Variants in TPD52L1 observed in about 807,000 individuals in gnomAD.
The protein encoded by TPD52L1 is TPD52 like 1, also known as tumor protein D53.
TPD52L1 carries 18 observed loss-of-function variants against 28.7 expected under a neutral mutation model. The observed-to-expected ratio is 0.63, with a 90% CI of 0.43 to 0.93. TPD52L1 has a LOEUF of 0.93. Ranked by LOEUF, TPD52L1 falls within the 40% of genes least tolerant of loss-of-function variation. The pLI, the probability that TPD52L1 is intolerant of heterozygous loss-of-function variation, is 0.00. For missense variants in TPD52L1, 203 were observed against 254.8 expected (o/e 0.80, Z 1.39); for synonymous variants, 75 against 88.8 (o/e 0.84, Z 0.88).
chr6:125,160,618 G>A (rs947313965), intron 1 of TPD52L1, among the ~76,000 whole-genome samples: 1 of 152,170 alleles, frequency 6.6e-6, no homozygotes, highest in Non-Finnish European at 1.5e-5. Context: ...CCTAACAAGA[G>A]AGTCAGCCTG....
chr6:125,256,015 A>G (rs1305666300), intron 5 of TPD52L1, among the ~76,000 whole-genome samples: 3 of 152,202 alleles, frequency 2.0e-5, no homozygotes, highest in Non-Finnish European at 4.4e-5. Context: ...CAACAAAATT[A>G]TGTATAGATT....
At chr6:125,212,422 A>G (rs762441889) in intron 1 of TPD52L1, among the ~76,000 whole-genome samples, 1 of 152,226 alleles carries the variant, frequency 6.6e-6, no homozygotes, top group Non-Finnish European at 1.5e-5. Context: ...ATCCAAAATC[A>G]TAGTTTGTAA....
At chr6:125,154,148 G>C in intron 1 of TPD52L1, 178 bp downstream of exon 1, 3 of 1,404,590 alleles carry the variant, frequency 2.1e-6, no homozygotes, top group Non-Finnish European at 2.8e-6. Flanking sequence ...AGGATTTGCT[G>C]TGGGTCTGGG....
chr6:125,192,567 A>AC (rs1292731845), intron 1 of TPD52L1, among the ~76,000 whole-genome samples: 1 of 148,480 alleles, frequency 6.7e-6, no homozygotes, highest in African/African-American at 2.4e-5. Context: ...TAGCACCTTA[A>AC]CAGAGAGCCC....
chr6:125,216,637 T>G (rs1467500717), intron 1 of TPD52L1, among the ~76,000 whole-genome samples: 2 of 149,902 alleles, frequency 1.3e-5, no homozygotes, highest in Admixed American at 6.7e-5. Flanking sequence ...TACCAATTTT[T>G]GGGTAATATG....
intron 1 of TPD52L1, among the ~76,000 whole-genome samples, chr6:125,178,600 G>A (rs749306903): frequency 7.9e-5 from 12 of 151,788 alleles, no homozygotes; most frequent in Non-Finnish European, 1.5e-4. Context: ...CCGCCTGGGC[G>A]ACAGAGTGAG....
chr6:125,246,762 C>G (rs371395344), intron 3 of TPD52L1, among the ~76,000 whole-genome samples: 2 of 151,958 alleles, frequency 1.3e-5, no homozygotes, highest in East Asian at 2.0e-4. Context: ...CATCCACATT[C>G]CTTGTTCTCC....
intron 3 of TPD52L1, among the ~76,000 whole-genome samples, chr6:125,247,553 A>T (rs1307611320): frequency 6.6e-6 from 1 of 152,168 alleles, no homozygotes; most frequent in African/African-American, 2.4e-5. Context: ...GTTCAGAGTC[A>T]CAAAAGGTTG....
chr6:125,156,463 C>CAAAAAAAAA lies in TPD52L1; in HGVS notation c.19+2502_19+2510dup, dbSNP rs758623258. 5.4e-4 allele frequency among the ~76,000 whole-genome samples: 20 copies of CAAAAAAAAA among 37,220 alleles called. 1 individual carries two copies. The highest frequency in any genetic ancestry group is 2.4e-3 in the East Asian group (4 of 1,646). The allele number at this position is 37,220 out of a possible 152,430, so 24.4% of individuals were successfully genotyped here. A position where few individuals can be genotyped will look rare whatever the true frequency, so the allele number is the denominator to read the frequency against. ...TCTGGACAAGAGTGAGACCTTGTCT[C>CAAAAAAAAA]AAAAAAAAAAAAAAAAAGAGAGAGA... On this transcript the variant is annotated intron_variant, in intron 1 of 6. Coordinates refer to ENST00000534000, the MANE Select transcript of TPD52L1 (RefSeq NM_003287.4).
In TPD52L1 at chr6:125,185,933, G is replaced by A. The variant is rs1408681799; in HGVS notation, c.19+31963G>A. On this transcript the variant is annotated intron_variant, in intron 1 of 6. Transcript: ENST00000534000. ...TTTTGAGACAGAGTCTCACTCTGTC[G>A]CCCCAGCTAGAGTGCAGTGGCATGA... Among the ~76,000 whole-genome samples the A allele has an allele frequency of 6.9e-5, 9 of 130,504 alleles. No homozygotes were observed. The East Asian group carries it at 7.2e-4, about 10-fold the overall frequency. 85.6% of individuals were successfully genotyped at this position (130,504 alleles called of 152,430 possible).
At position 125,180,544 on chromosome 6, in the gene TPD52L1, TACACACACACACATATATTATATATACAC is replaced by T. The variant is rs1792113404; in HGVS notation, c.19+26588_19+26616del. The stretch of plus-strand genomic sequence containing the variant: ...ACAGTTTTTAAATATACATTTACCA[TACACACACACACATATATTATATATACAC>T]ACACACACACACACACACACACTCA... On this transcript the variant is annotated intron_variant, in intron 1 of 6. Coordinates refer to ENST00000534000, the MANE Select transcript of TPD52L1 (RefSeq NM_003287.4). Among the ~76,000 whole-genome samples the T allele has an allele frequency of 2.7e-5, 4 of 149,516 alleles. No individual in the cohort carries two copies. The South Asian group carries it at 8.5e-4, about 32-fold the overall frequency.
At chr6:125,173,650 AT>A (rs1562217706) in intron 1 of TPD52L1, among the ~76,000 whole-genome samples, 1 of 152,104 alleles carries the variant, frequency 6.6e-6, no homozygotes, top group African/African-American at 2.4e-5. Flanking sequence ...TGCTTTTTAA[AT>A]ATATATATAT....
intron 3 of TPD52L1, among the ~76,000 whole-genome samples, chr6:125,240,180 T>C (rs1025757825): frequency 8.5e-5 from 13 of 152,224 alleles, no homozygotes; most frequent in Non-Finnish European, 1.9e-4. Context: ...TCCATTGTTC[T>C]ACGTGCCTAT....
chr6:125,165,089 T>TAG lies in TPD52L1; in HGVS notation c.19+11120_19+11121insGA, dbSNP rs1308406951. ...ACCCCTGTCTCTTAAAAAAAAGATA[T>TAG]ATATATATATTTTAACTGTATATAT... is the stretch of plus-strand genomic sequence containing the variant. On this transcript the variant is annotated intron_variant, in intron 1 of 6. Coordinates refer to ENST00000534000, the MANE Select transcript of TPD52L1 (RefSeq NM_003287.4). Among the ~76,000 whole-genome samples the TAG allele has an allele frequency of 3.4e-4, 48 of 141,588 alleles. 1 individual carries two copies. Among genetic ancestry groups the TAG allele is most frequent in the Admixed American group, 2.8e-3 (39 of 14,028 alleles). The allele number at this position is 141,588 out of a possible 152,430, so 92.9% of individuals were successfully genotyped here. A position where few individuals can be genotyped will look rare whatever the true frequency, so the allele number is the denominator to read the frequency against.
chr6:125,190,788 A>G (rs1792982105), intron 1 of TPD52L1, among the ~76,000 whole-genome samples: 1 of 152,130 alleles, frequency 6.6e-6, no homozygotes, highest in African/African-American at 2.4e-5. Context: ...AAATGCTGCC[A>G]CTGATCCCAC....
At chr6:125,177,958 A>T (rs1467782907) in intron 1 of TPD52L1, among the ~76,000 whole-genome samples, 2 of 152,196 alleles carry the variant, frequency 1.3e-5, no homozygotes, top group African/African-American at 2.4e-5. Context: ...ATAAAAAGTG[A>T]ATCTAAAAAT....
intron 3 of TPD52L1, among the ~76,000 whole-genome samples, chr6:125,244,574 A>G (rs1796808605): frequency 6.6e-6 from 1 of 152,112 alleles, no homozygotes; most frequent in South Asian, 2.1e-4. Context: ...CCAAGTAGGG[A>G]AGAATTGTGA....
intron 6 of TPD52L1, among the ~76,000 whole-genome samples, chr6:125,259,689 T>C (rs4142129): frequency 0.42 from 63,187 of 152,070 alleles, 13,545 homozygotes; most frequent in East Asian, 0.61. Context: ...AAATACATTA[T>C]ATGGCCTGGA....
At chr6:125,164,613 A>C (rs1480292759) in intron 1 of TPD52L1, among the ~76,000 whole-genome samples, 5 of 152,204 alleles carry the variant, frequency 3.3e-5, no homozygotes, top group African/African-American at 9.7e-5. Flanking sequence ...TGAGTACCCC[A>C]AAAAAGAAAG....
Sources: gnomAD v4.1 joint callset for allele counts (sites outside exome capture counted in the v4.1 genomes callset) on GRCh38, gnomAD v4.1.1 for gene constraint, MANE v1.5 for transcripts, NCBI Gene and HGNC (gene_info 2026-07-23, HGNC 2026-07-21) for gene names.